The following M1AP variants were observed in gnomAD, a reference collection of about 807,000 sequenced individuals.
The protein encoded by M1AP is meiosis 1 associated protein.
In M1AP, 39 loss-of-function variants were observed where a neutral mutation model predicts 51.2. That is an observed-to-expected ratio of 0.76 (90% CI 0.59 to 1.00). The LOEUF (loss-of-function observed/expected upper bound fraction) is 1.00, where lower values mean the gene tolerates loss of function less well. M1AP is among the 50% of genes least tolerant of loss of function. M1AP has a pLI of 0.00. For missense variants in M1AP, 545 were observed against 641.2 expected, an observed-to-expected ratio of 0.85 and a Z score of 1.62; for synonymous variants, 251 against 249.2, an observed-to-expected ratio of 1.01 and a Z score of -0.07.
intron 2 of M1AP, among the ~76,000 whole-genome samples, chr2:74,621,621 A>G (rs977630057): frequency 6.6e-6 from 1 of 151,154 alleles, no homozygotes; most frequent in African/African-American, 2.4e-5. Flanking sequence ...CCGTCTCTAC[A>G]AAAAATAATA....
chr2:74,602,987 G>A (rs1680759043), intron 4 of M1AP, among the ~76,000 whole-genome samples: 1 of 152,220 alleles, frequency 6.6e-6, no homozygotes, highest in South Asian at 2.1e-4. Flanking sequence ...GACAGTCACA[G>A]AAGGCAGAAA....
At chr2:74,594,492 A>G (rs1299046070) in intron 4 of M1AP, among the ~76,000 whole-genome samples, 1 of 152,236 alleles carries the variant, frequency 6.6e-6, no homozygotes, top group Non-Finnish European at 1.5e-5. Context: ...CATTTGGGTA[A>G]TTGAAGTCCT....
chr2:74,573,554 T>C (rs974364596), intron 7 of M1AP, among the ~76,000 whole-genome samples: 1 of 152,154 alleles, frequency 6.6e-6, no homozygotes, highest in South Asian at 2.1e-4. Context: ...GATTTCACCA[T>C]GTTGGCCAGG....
chr2:74,645,924 G>A (rs1345895741), intron 1 of M1AP, among the ~76,000 whole-genome samples: 1 of 152,208 alleles, frequency 6.6e-6, no homozygotes, highest in African/African-American at 2.4e-5. Context: ...CTACAGTTTA[G>A]TTAATTAACA....
chr2:74,615,350 G>C, intron 2 of M1AP: 1 of 555,564 alleles, frequency 1.8e-6, no homozygotes, highest in Non-Finnish European at 3.2e-6. Flanking sequence ...AAAATTTGCA[G>C]CCATAAAGGT....
At chr2:74,607,299 G>A in intron 3 of M1AP, 76 bp from the exon 4 acceptor site, 1 of 1,437,368 alleles carries the variant, frequency 7.0e-7, no homozygotes, top group Non-Finnish European at 9.7e-7. Flanking sequence ...TTCCTACCCG[G>A]AGGATAAATA....
In M1AP at chr2:74,581,759, A is replaced by G; in HGVS notation, c.684T>C (p.His228=). ...SMEIFFKAWL[H]NSGTDQEQIH... The stretch of plus-strand genomic sequence containing the variant: ...TTTGTTCTTGGTCTGTTCCACTGTT[A>G]TGTAGCCAGGCTTTGAAGAAAATCT... Residue 228 remains histidine, a synonymous_variant, in exon 5 of 11, where the codon CAT becomes CAC. Transcript: ENST00000421985. 6.2e-7 allele frequency: 1 copy of G among 1,614,114 alleles called. No homozygotes were observed. The highest frequency in any genetic ancestry group is 1.1e-5 in the South Asian group (1 of 91,082).
chr2:74,627,978 G>C lies in M1AP; in HGVS notation c.240+12058C>G, dbSNP rs115763428. On this transcript the variant is annotated intron_variant, in intron 2 of 10. Transcript: ENST00000421985. Reference sequence around the variant, plus strand: ...CTAAGAACATCCTCCTATGTTCTATGGATCAAAATGCAAAGGTCTCCATTT... The same window carrying C: ...CTAAGAACATCCTCCTATGTTCTATCGATCAAAATGCAAAGGTCTCCATTT... 5.3e-3 allele frequency among the ~76,000 whole-genome samples: 812 copies of C among 152,130 alleles called. 13 individuals carry two copies. Among genetic ancestry groups the C allele is most frequent in the African/African-American group, 0.017 (722 of 41,506 alleles).
intron 4 of M1AP, among the ~76,000 whole-genome samples, chr2:74,591,702 A>G (rs961916979): frequency 1.1e-4 from 16 of 152,266 alleles, no homozygotes; most frequent in Admixed American, 3.3e-4. Context: ...AAGTGGAGCC[A>G]TGAAAGAAAA....
At chr2:74,601,154 T>G (rs1450521028) in intron 4 of M1AP, among the ~76,000 whole-genome samples, 4 of 152,064 alleles carry the variant, frequency 2.6e-5, no homozygotes, top group Admixed American at 6.6e-5. Context: ...GAATAAAGAG[T>G]TAAATTAACT....
chr2:74,606,605 T>C (rs1681019359), intron 4 of M1AP, among the ~76,000 whole-genome samples: 1 of 151,850 alleles, frequency 6.6e-6, no homozygotes, highest in Non-Finnish European at 1.5e-5. Context: ...TGTGTGCATA[T>C]ATATATATAT....
intron 1 of M1AP, among the ~76,000 whole-genome samples, chr2:74,641,078 AAT>A (rs1179315354): frequency 6.6e-6 from 1 of 152,134 alleles, no homozygotes; most frequent in Non-Finnish European, 1.5e-5. Flanking sequence ...TAAAAATGAA[AAT>A]ATGACTACAT....
chr2:74,604,551 G>A (rs1680858773), intron 4 of M1AP, among the ~76,000 whole-genome samples: 1 of 152,146 alleles, frequency 6.6e-6, no homozygotes, highest in Admixed American at 6.5e-5. Context: ...GATCTGACAG[G>A]AGGTGGAGCT....
chr2:74,568,943 A>C (rs1372021093), intron 7 of M1AP, among the ~76,000 whole-genome samples: 2 of 152,182 alleles, frequency 1.3e-5, no homozygotes, highest in African/African-American at 4.8e-5. Context: ...TCTCTAGAGA[A>C]AGCTAACACC....
chr2:74,610,832 T>C (rs954916391), intron 3 of M1AP, among the ~76,000 whole-genome samples: 10 of 152,246 alleles, frequency 6.6e-5, no homozygotes, highest in Admixed American at 1.3e-4. Flanking sequence ...ATGGTCTTCA[T>C]TGTGTTGAGG....
At chr2:74,607,635 G>A (rs1055559056) in intron 3 of M1AP, among the ~76,000 whole-genome samples, 1 of 152,030 alleles carries the variant, frequency 6.6e-6, no homozygotes, top group South Asian at 2.1e-4. Context: ...CACCACACCC[G>A]GGTAATTTTT....
intron 7 of M1AP, among the ~76,000 whole-genome samples, chr2:74,568,406 A>T (rs908896295): frequency 6.6e-6 from 1 of 152,220 alleles, no homozygotes; most frequent in African/African-American, 2.4e-5. Flanking sequence ...AAGCCTCTGG[A>T]GAAGGAAGAG....
chr2:74,577,593 T>G (rs529234185), intron 5 of M1AP, among the ~76,000 whole-genome samples: 1 of 152,328 alleles, frequency 6.6e-6, no homozygotes, highest in South Asian at 2.1e-4. Flanking sequence ...GAACAGATGT[T>G]AGATCCAGCT....
intron 3 of M1AP, among the ~76,000 whole-genome samples, chr2:74,612,137 C>T (rs866618434): frequency 5.3e-5 from 8 of 151,804 alleles, no homozygotes; most frequent in African/African-American, 1.7e-4. Context: ...GTGATCTACC[C>T]GCCTGGGCCT....
Sources: allele counts gnomAD v4.1 joint callset (sites outside exome capture counted in the v4.1 genomes callset), GRCh38; gene constraint gnomAD v4.1.1; transcripts MANE v1.5; gene names NCBI Gene and HGNC (gene_info 2026-07-23, HGNC 2026-07-21).